Variants in ADAMTS16 observed in about 807,000 individuals in gnomAD.
The protein encoded by ADAMTS16 is A disintegrin and metalloproteinase with thrombospondin motifs 16.
In ADAMTS16, 94 loss-of-function variants were observed where a neutral mutation model predicts 145.8. The observed-to-expected ratio is 0.64, with a 90% CI of 0.55 to 0.77. ADAMTS16 has a LOEUF of 0.77. Among genes scored for constraint, ADAMTS16 ranks in the 30% least tolerant of loss-of-function variants. The pLI, the probability that ADAMTS16 is intolerant of heterozygous loss-of-function variation, is 0.00. For synonymous variants in ADAMTS16, 659 were observed against 604.3 expected (o/e 1.09, Z -1.33); for missense variants, 1,585 against 1,591.5 (o/e 1.00, Z 0.07).
In ADAMTS16 at chr5:5,183,607, C is replaced by T. The variant is rs1050975824; in HGVS notation, c.763+1302C>T. Among the ~76,000 whole-genome samples the T allele has an allele frequency of 2.0e-5, 3 of 152,216 alleles. No individual in the cohort carries two copies. In the South Asian group the frequency reaches 6.2e-4, roughly 32 times the overall value. On this transcript the variant is annotated intron_variant, in intron 4 of 22. Transcript: ENST00000274181. ...ACGCCACAGTGGACCTTGAAAACAT[C>T]AAGCAATGCAGACCACTGTGAGAGG...
Position 5,146,292 on chromosome 5 carries a change from G to C in ADAMTS16, c.338G>C (p.Arg113Thr). ...AGGCACGACTTCCACATGGATCTGA[G>C]GACTTCCAGCAGCCTAGTGGCTCCT... ...GSRHDFHMDL[R>T]TSSSLVAPGF... The change falls in exon 3 of 23, where the codon AGG becomes ACG. Residue 113 changes from arginine to threonine, a missense_variant. By Grantham distance (71) the Arg-to-Thr change is moderately conservative. Transcript: ENST00000274181. 6.2e-7 allele frequency: 1 copy of C among 1,614,184 alleles called. No individual in the cohort carries two copies. Among genetic ancestry groups the C allele is most frequent in the Non-Finnish European group, 8.5e-7 (1 of 1,180,020 alleles).
At chr5:5,299,367 A>T (rs7706744) in intron 18 of ADAMTS16, among the ~76,000 whole-genome samples, 1 of 151,520 alleles carries the variant, frequency 6.6e-6, no homozygotes, top group Admixed American at 6.6e-5. Context: ...TCGGGCCCAG[A>T]CCAGGGCTGG....
rs1458854132 is a variant in ADAMTS16, at chr5:5,317,730, C to A, written c.3412-404C>A. ...TACTTTTTTAAAAAGTGAACTCAGCCCCCACAAAGCCCAAGCCCGGGAACC... is the reference window on the plus strand; with the variant it reads ...TACTTTTTTAAAAAGTGAACTCAGCACCCACAAAGCCCAAGCCCGGGAACC... On this transcript the variant is annotated intron_variant, in intron 21 of 22. Coordinates refer to ENST00000274181, the MANE Select transcript of ADAMTS16 (RefSeq NM_139056.4). This position sits in a 1 kb window ranked among gnomAD's most constrained non-coding sequence, Gnocchi z 4.5. 1.3e-5 allele frequency among the ~76,000 whole-genome samples: 2 copies of A among 152,124 alleles called. No individual in the cohort carries two copies. The highest frequency in any genetic ancestry group is 2.4e-5 in the African/African-American group (1 of 41,426).
intron 21 of ADAMTS16, among the ~76,000 whole-genome samples, chr5:5,315,227 C>T (rs1734002816): frequency 6.6e-6 from 1 of 152,126 alleles, no homozygotes; most frequent in Admixed American, 6.5e-5. Flanking sequence ...ATCACAAGAA[C>T]AGCATGGGGG....
chr5:5,175,547 G>A (rs142222558), intron 3 of ADAMTS16, among the ~76,000 whole-genome samples: 16 of 152,060 alleles, frequency 1.1e-4, no homozygotes, highest in Non-Finnish European at 1.5e-4. Flanking sequence ...CAAGTCCACC[G>A]GTTGTACACC....
intron 18 of ADAMTS16, among the ~76,000 whole-genome samples, chr5:5,265,285 G>A (rs796664493): frequency 4.6e-5 from 7 of 152,348 alleles, no homozygotes; most frequent in African/African-American, 1.4e-4. Flanking sequence ...ATTGTGGCCT[G>A]AAGTGAACTC....
At chr5:5,225,003 A>C (rs923128813) in intron 11 of ADAMTS16, among the ~76,000 whole-genome samples, 1 of 152,088 alleles carries the variant, frequency 6.6e-6, no homozygotes, top group Non-Finnish European at 1.5e-5. Context: ...TGTATTTCAA[A>C]TATAGCTTTT....
chr5:5,309,572 C>CT (rs1475680037), intron 21 of ADAMTS16, among the ~76,000 whole-genome samples: 1 of 152,154 alleles, frequency 6.6e-6, no homozygotes, highest in Non-Finnish European at 1.5e-5. Context: ...AAGTTTCCTC[C>CT]TGCAGCACAG....
rs943699596 is a variant in ADAMTS16 at position 5,303,438 on chromosome 5, C to T, written c.2960C>T (p.Pro987Leu). ...CAGGCCTGCAACTCTCAGAGCTGCC[C>T]ACCTGCATGGAGCGCCGGGCCCTGG... ...SRQACNSQSCPPAWSAGPWAE... is the reference protein window; with the variant it reads ...SRQACNSQSCLPAWSAGPWAE... Residue 987 changes from proline to leucine, a missense_variant, in exon 19 of 23, where the codon CCA (proline) becomes CTA (leucine). Physicochemically the swap from Pro to Leu is moderately conservative, Grantham distance 98 (BLOSUM62 -3). Around this residue, in one of 3 missense-constraint regions of ADAMTS16, gnomAD observed 834 missense variants for 811.7 expected, o/e 1.03. Transcript: ENST00000274181. 3.1e-6 allele frequency: 5 copies of T among 1,611,360 alleles called. No individual in the cohort carries two copies. Among genetic ancestry groups the T allele is most frequent in the Non-Finnish European group, 4.2e-6 (5 of 1,178,812 alleles).
intron 3 of ADAMTS16, among the ~76,000 whole-genome samples, chr5:5,166,548 T>C (rs1410422688): frequency 6.6e-6 from 1 of 152,176 alleles, no homozygotes; most frequent in Non-Finnish European, 1.5e-5. Flanking sequence ...TGGGCTGTAT[T>C]CCCAGAGACA....
In ADAMTS16 at chr5:5,224,601, T is replaced by C. The variant is rs1196477277; in HGVS notation, c.1701+1717T>C. Among the ~76,000 whole-genome samples, 4 of 152,132 alleles carry C rather than the reference T, an allele frequency of 2.6e-5. No homozygotes were observed. The East Asian group carries it at 7.7e-4, about 29-fold the overall frequency. On this transcript the variant is annotated intron_variant, in intron 11 of 22. Transcript: ENST00000274181. ...ACCACATCCGGCCAACTGCTTTCAG[T>C]TTCTTGAAAGAAAATGAGTATAATG... is the stretch of plus-strand genomic sequence containing the variant.
chr5:5,170,062 C>A (rs533269946), intron 3 of ADAMTS16, among the ~76,000 whole-genome samples: 1 of 152,220 alleles, frequency 6.6e-6, no homozygotes, highest in South Asian at 2.1e-4. Flanking sequence ...TGGATATATA[C>A]TTAGGAATAG....
chr5:5,255,509 G>A (rs1737750122), intron 17 of ADAMTS16, among the ~76,000 whole-genome samples: 1 of 152,244 alleles, frequency 6.6e-6, no homozygotes, highest in South Asian at 2.1e-4. Flanking sequence ...ACTGGAGCAA[G>A]TGATTCCCAG....
chr5:5,171,388 G>C (rs1389855415), intron 3 of ADAMTS16, among the ~76,000 whole-genome samples: 2 of 152,124 alleles, frequency 1.3e-5, no homozygotes, highest in Non-Finnish European at 2.9e-5. Flanking sequence ...TTCCCATTCA[G>C]TATGACACTA....
chr5:5,274,343 C>T (rs1244521240), intron 18 of ADAMTS16, among the ~76,000 whole-genome samples: 1 of 152,172 alleles, frequency 6.6e-6, no homozygotes, highest in East Asian at 1.9e-4. Flanking sequence ...CCTGCAGATC[C>T]TCCATGCTCT....
chr5:5,202,276 A>G (rs1285503009), intron 9 of ADAMTS16, among the ~76,000 whole-genome samples: 2 of 152,160 alleles, frequency 1.3e-5, no homozygotes, highest in South Asian at 2.1e-4. Context: ...ACTGTGTTTC[A>G]TAGTTTATGC....
chr5:5,242,228 G>T, intron 17 of ADAMTS16, 37 bp downstream of exon 17: 1 of 1,608,762 alleles, frequency 6.2e-7, no homozygotes, highest in Non-Finnish European at 8.5e-7. Flanking sequence ...GAGGCAGCAT[G>T]TCAGCCTTCA....
intron 10 of ADAMTS16, among the ~76,000 whole-genome samples, chr5:5,212,142 T>C (rs1163418318): frequency 6.6e-6 from 1 of 152,026 alleles, no homozygotes; most frequent in African/African-American, 2.4e-5. Flanking sequence ...TCTCCAGCAA[T>C]TATTACGTAT....
At chr5:5,218,340 G>A (rs1736493844) in intron 10 of ADAMTS16, among the ~76,000 whole-genome samples, 1 of 152,174 alleles carries the variant, frequency 6.6e-6, no homozygotes, top group Admixed American at 6.5e-5. Flanking sequence ...TGCAGGACAT[G>A]AGACAGGGGT....
Sources: gnomAD v4.1 joint callset for allele counts (sites outside exome capture counted in the v4.1 genomes callset) on GRCh38, gnomAD v4.1.1 for gene constraint, gnomAD v4.1.1 regional missense constraint, Gnocchi (gnomAD v3.1) non-coding constraint, MANE v1.5 for transcripts, NCBI Gene and HGNC (gene_info 2026-07-23, HGNC 2026-07-21) for gene names.